The following CCDC102B variants were observed in gnomAD, a reference collection of about 807,000 sequenced individuals.
The protein encoded by CCDC102B is coiled-coil domain containing 102B, also known as coiled-coil domain-containing protein 102B.
In CCDC102B, 75 loss-of-function variants were observed where a neutral mutation model predicts 57.4. The observed-to-expected ratio is 1.31, with a 90% CI of 1.08 to 1.58. The LOEUF is 1.58. CCDC102B is among the 40% of genes most tolerant of loss of function. The pLI, the probability that CCDC102B is intolerant of heterozygous loss-of-function variation, is 0.00. For synonymous variants in CCDC102B, 206 were observed against 201.9 expected (o/e 1.02, Z -0.17); for missense variants, 636 against 582.6 (o/e 1.09, Z -0.94).
intron 2 of CCDC102B, among the ~76,000 whole-genome samples, chr18:68,787,119 C>A (rs1418909036): frequency 2.0e-5 from 3 of 150,862 alleles, no homozygotes; most frequent in Non-Finnish European, 1.5e-5. Context: ...TGTTTATATG[C>A]TGGATTACAT....
chr18:68,999,443 T>TA (rs529270353), intron 6 of CCDC102B, among the ~76,000 whole-genome samples: 6,865 of 119,060 alleles, frequency 0.058, 447 homozygotes, highest in African/African-American at 0.17. Flanking sequence ...CTGAAAATAG[T>TA]AAAAAAAAAA....
At chr18:68,894,138 C>T (rs562390472) in intron 5 of CCDC102B, among the ~76,000 whole-genome samples, 3 of 151,952 alleles carry the variant, frequency 2.0e-5, no homozygotes, top group Non-Finnish European at 4.4e-5. Context: ...CCCAATGTTA[C>T]TCATATTCTA....
chr18:68,873,110 C>T (rs913118630), intron 4 of CCDC102B, among the ~76,000 whole-genome samples: 4 of 152,268 alleles, frequency 2.6e-5, no homozygotes, highest in Middle Eastern at 3.4e-3. Context: ...TTTTCTTCTG[C>T]TAGCCTCTGT....
chr18:68,857,638 A>C lies in CCDC102B; in HGVS notation c.936+11217A>C, dbSNP rs186478098. Among the ~76,000 whole-genome samples, 540 of 151,660 alleles carry C rather than the reference A, an allele frequency of 3.6e-3. 2 individuals carry two copies. The highest frequency in any genetic ancestry group is 6.3e-3 in the Non-Finnish European group (430 of 67,918). On this transcript the variant is annotated intron_variant, in intron 4 of 7. Transcript: ENST00000360242. ...TTATATACTCATAGTATATGTGTAC[A>C]TATAACTAAAGACAAATATGTACAG...
At chr18:68,748,672 C>A (rs1215014704) in intron 2 of CCDC102B, among the ~76,000 whole-genome samples, 2 of 152,116 alleles carry the variant, frequency 1.3e-5, no homozygotes, top group African/African-American at 4.8e-5. Flanking sequence ...TTTAGCCCTT[C>A]CTGTTTTACA....
chr18:68,825,345 C>T (rs914795652), intron 1 of CCDC102B, among the ~76,000 whole-genome samples: 8 of 152,104 alleles, frequency 5.3e-5, no homozygotes, highest in South Asian at 2.1e-4. Context: ...CTAAATAATA[C>T]GTTGGCAGTT....
At position 68,917,854 on chromosome 18, in the gene CCDC102B, T is replaced by C. The variant is rs139494773; in HGVS notation, c.1263+20426T>C. On this transcript the variant is annotated intron_variant, in intron 6 of 7. Transcript: ENST00000360242. ...ATAATCAGTGCTTTTCAATTCACCATAGCAATATAAAAAGTTATTTTTATT... is the reference window on the plus strand; with the variant it reads ...ATAATCAGTGCTTTTCAATTCACCACAGCAATATAAAAAGTTATTTTTATT... Among the ~76,000 whole-genome samples, 1,149 of 152,296 alleles carry C rather than the reference T, an allele frequency of 7.5e-3. 6 individuals are homozygous for C. Among genetic ancestry groups the C allele is most frequent in the Non-Finnish European group, 0.012 (816 of 68,008 alleles).
chr18:68,901,242 C>T (rs2040441478), intron 6 of CCDC102B, among the ~76,000 whole-genome samples: 1 of 152,012 alleles, frequency 6.6e-6, no homozygotes, highest in Non-Finnish European at 1.5e-5. Flanking sequence ...TTATTCTAGA[C>T]TAGGGATGGA....
At chr18:68,944,352 A>G (rs1268642364) in intron 6 of CCDC102B, among the ~76,000 whole-genome samples, 2 of 152,144 alleles carry the variant, frequency 1.3e-5, no homozygotes, top group Admixed American at 6.6e-5. Context: ...AGCTTATAAA[A>G]CAAAGTACCA....
At chr18:68,975,568 C>T (rs936403501) in intron 6 of CCDC102B, among the ~76,000 whole-genome samples, 11 of 151,862 alleles carry the variant, frequency 7.2e-5, no homozygotes, top group Admixed American at 4.6e-4. Flanking sequence ...GTTGTATTAA[C>T]GGGGCATTAA....
At chr18:68,797,564 A>G (rs979286606), upstream of CCDC102B, among the ~76,000 whole-genome samples, 16 of 152,020 alleles carry the variant, frequency 1.1e-4, no homozygotes, top group Non-Finnish European at 1.9e-4. Flanking sequence ...ATTCCTGCCA[A>G]TGTGACCACA....
At chr18:69,013,645 G>A (rs1297112478) in intron 7 of CCDC102B, among the ~76,000 whole-genome samples, 1 of 152,218 alleles carries the variant, frequency 6.6e-6, no homozygotes, top group Admixed American at 6.5e-5. Context: ...TGGAAAGCCA[G>A]TAATTTACAG....
chr18:68,960,567 A>T (rs2050021082), intron 6 of CCDC102B, among the ~76,000 whole-genome samples: 1 of 152,184 alleles, frequency 6.6e-6, no homozygotes, highest in African/African-American at 2.4e-5. Flanking sequence ...AGAGCCCAGC[A>T]CAGCACCAGA....
At chr18:68,876,723 T>A (rs898101902) in intron 5 of CCDC102B, among the ~76,000 whole-genome samples, 11 of 152,196 alleles carry the variant, frequency 7.2e-5, no homozygotes, top group Non-Finnish European at 1.5e-4. Flanking sequence ...CTGTTAGTGA[T>A]ATAGATTTAA....
intron 7 of CCDC102B, among the ~76,000 whole-genome samples, chr18:69,020,091 A>T (rs372297486): frequency 6.6e-6 from 1 of 152,020 alleles, no homozygotes; most frequent in East Asian, 1.9e-4. Flanking sequence ...TGTAGTTTTT[A>T]GTAAAAATAT....
intron 2 of CCDC102B, among the ~76,000 whole-genome samples, chr18:68,727,679 T>C (rs1417080492): frequency 1.3e-5 from 2 of 152,194 alleles, no homozygotes; most frequent in African/African-American, 4.8e-5. Context: ...GCAATTGGCC[T>C]GGTTTACAGG....
At chr18:68,721,417 T>C (rs2032321643) in intron 2 of CCDC102B, 2 of 152,202 alleles carry the variant, frequency 1.3e-5, no homozygotes, top group Admixed American at 6.5e-5. Flanking sequence ...ACCACTCTCC[T>C]GACTTCTGAC....
intron 6 of CCDC102B, among the ~76,000 whole-genome samples, chr18:68,898,302 C>T (rs1268133971): frequency 6.6e-6 from 1 of 151,980 alleles, no homozygotes; most frequent in Admixed American, 6.6e-5. Flanking sequence ...AGCTCTAAAA[C>T]CTAAATGGCC....
intron 7 of CCDC102B, among the ~76,000 whole-genome samples, chr18:69,034,989 T>C (rs1323273224): frequency 6.6e-6 from 1 of 152,000 alleles, no homozygotes; most frequent in Non-Finnish European, 1.5e-5. Flanking sequence ...AATCTGAACC[T>C]GTGTCATTCC....
Sources: gnomAD v4.1 joint callset for allele counts (sites outside exome capture counted in the v4.1 genomes callset) on GRCh38, gnomAD v4.1.1 for gene constraint, MANE v1.5 for transcripts, NCBI Gene and HGNC (gene_info 2026-07-23, HGNC 2026-07-21) for gene names.